The following PDZRN3 variants were observed in gnomAD, a reference collection of about 807,000 sequenced individuals.
The protein encoded by PDZRN3 is PDZ domain containing ring finger 3, also known as E3 ubiquitin-protein ligase PDZRN3.
PDZRN3 carries 38 observed loss-of-function variants against 85.7 expected under a neutral mutation model. That is an observed-to-expected ratio of 0.44 (90% CI 0.34 to 0.58). The LOEUF is 0.58. Ranked by LOEUF, PDZRN3 falls within the 20% of genes least tolerant of loss-of-function variation. The pLI, the probability that PDZRN3 is intolerant of heterozygous loss-of-function variation, is 0.01. For missense variants in PDZRN3, 1,629 were observed against 1,506.4 expected (o/e 1.08, Z -1.35); for synonymous variants, 759 against 638.0 (o/e 1.19, Z -2.86).
chr3:73,503,456 G>T (rs1046659668), intron 3 of PDZRN3, among the ~76,000 whole-genome samples: 7 of 152,072 alleles, frequency 4.6e-5, no homozygotes, highest in Middle Eastern at 3.4e-3. Context: ...TAAATACCAG[G>T]CTTCAAAAAA....
At chr3:73,583,077 G>A (rs1029284501) in intron 3 of PDZRN3, among the ~76,000 whole-genome samples, 2 of 152,176 alleles carry the variant, frequency 1.3e-5, no homozygotes, top group African/African-American at 4.8e-5. Flanking sequence ...TAATGTCACT[G>A]AGGACTTGCT....
At chr3:73,537,012 GTCC>G (rs1364401195) in intron 3 of PDZRN3, among the ~76,000 whole-genome samples, 3 of 152,114 alleles carry the variant, frequency 2.0e-5, no homozygotes, top group Admixed American at 2.0e-4. Context: ...TTCTGCCCTG[GTCC>G]TCAACAGGAA....
intron 3 of PDZRN3, among the ~76,000 whole-genome samples, chr3:73,479,716 C>T (rs2106902647): frequency 1.3e-5 from 2 of 152,312 alleles, no homozygotes; most frequent in South Asian, 4.1e-4. Flanking sequence ...TCCCATCTCC[C>T]CTGCCTGACC....
At chr3:73,595,431 A>G (rs962494213) in intron 3 of PDZRN3, among the ~76,000 whole-genome samples, 2 of 152,168 alleles carry the variant, frequency 1.3e-5, no homozygotes, top group Admixed American at 6.5e-5. Flanking sequence ...TCATGTGTTT[A>G]TTTCTAACAT....
intron 1 of PDZRN3, among the ~76,000 whole-genome samples, chr3:73,609,161 T>G (rs1307330584): frequency 6.6e-6 from 1 of 152,052 alleles, no homozygotes; most frequent in South Asian, 2.1e-4. Context: ...TTTGGGAGAC[T>G]TGGGGAAAAA....
chr3:73,504,004 T>C (rs1704027429), intron 3 of PDZRN3, among the ~76,000 whole-genome samples: 1 of 152,098 alleles, frequency 6.6e-6, no homozygotes, highest in Non-Finnish European at 1.5e-5. Flanking sequence ...GAGAATAGAG[T>C]TGAACACAGT....
chr3:73,600,319 ACACACACACACACACACACTCT>A, intron 3 of PDZRN3, among the ~76,000 whole-genome samples: 1 of 90,930 alleles, frequency 1.1e-5, no homozygotes, highest in African/African-American at 4.6e-5. Context: ...ACACACACAC[ACACACACACACACACACACTCT>A]CTCTCTCTCT....
chr3:73,538,964 G>A (rs1030372544), intron 3 of PDZRN3, among the ~76,000 whole-genome samples: 17 of 152,098 alleles, frequency 1.1e-4, no homozygotes, highest in Non-Finnish European at 1.3e-4. Context: ...CTGCTTTCTA[G>A]TAACAAAGCA....
Position 73,412,203 on chromosome 3 carries a change from G to C in PDZRN3, c.919-7808C>G, listed in dbSNP as rs1033042218. Among the ~76,000 whole-genome samples the C allele has an allele frequency of 7.9e-5, 12 of 152,212 alleles. 1 individual carries two copies. The highest frequency in any genetic ancestry group is 7.9e-4 in the Admixed American group (12 of 15,286). Reference sequence around the variant, plus strand: ...AAATTGAAGGAGGAAGGTGTGGTTAGGTTTTTGCAAGCGTCATGCCCGAAG... The same window carrying C: ...AAATTGAAGGAGGAAGGTGTGGTTACGTTTTTGCAAGCGTCATGCCCGAAG... On this transcript the variant is annotated intron_variant, in intron 3 of 9. Coordinates refer to ENST00000263666, the MANE Select transcript of PDZRN3 (RefSeq NM_015009.3).
At chr3:73,578,644 T>C (rs2106863267) in intron 3 of PDZRN3, among the ~76,000 whole-genome samples, 1 of 152,304 alleles carries the variant, frequency 6.6e-6, no homozygotes, top group East Asian at 1.9e-4. Flanking sequence ...ATTGATTTTA[T>C]GGGTAAAGTG....
intron 3 of PDZRN3, among the ~76,000 whole-genome samples, chr3:73,555,070 T>C (rs902678750): frequency 1.3e-5 from 2 of 152,196 alleles, no homozygotes; most frequent in Non-Finnish European, 2.9e-5. Context: ...AAATTAAACA[T>C]GTCCGTTTTT....
chr3:73,535,370 A>G (rs971451673), intron 3 of PDZRN3, among the ~76,000 whole-genome samples: 1 of 152,192 alleles, frequency 6.6e-6, no homozygotes, highest in Non-Finnish European at 1.5e-5. Context: ...AGATATGCAA[A>G]TAAGGACTTG....
At chr3:73,568,195 C>T (rs576482410) in intron 3 of PDZRN3, among the ~76,000 whole-genome samples, 19 of 152,262 alleles carry the variant, frequency 1.2e-4, no homozygotes, top group Non-Finnish European at 2.4e-4. Context: ...TCAGGGATCT[C>T]ATCTGTAAAA....
chr3:73,574,094 AT>A (rs1371307562), intron 3 of PDZRN3, among the ~76,000 whole-genome samples: 2 of 152,250 alleles, frequency 1.3e-5, no homozygotes, highest in African/African-American at 4.8e-5. Context: ...AATACCCTTT[AT>A]TCTAACATCA....
At chr3:73,391,162 G>T (rs759831436) in intron 5 of PDZRN3, 46 bp from the exon 6 acceptor site, 1 of 1,087,754 alleles carries the variant, frequency 9.2e-7, no homozygotes, top group South Asian at 1.3e-5. Context: ...CAGGCAATGC[G>T]AGTTGAGGGG....
At chr3:73,449,578 C>T (rs1177100240) in intron 3 of PDZRN3, among the ~76,000 whole-genome samples, 1 of 152,218 alleles carries the variant, frequency 6.6e-6, no homozygotes, top group African/African-American at 2.4e-5. Flanking sequence ...CTGGCAGCCA[C>T]ATTGTTAATC....
At chr3:73,480,906 G>A (rs1401639066) in intron 3 of PDZRN3, among the ~76,000 whole-genome samples, 1 of 152,152 alleles carries the variant, frequency 6.6e-6, no homozygotes, top group African/African-American at 2.4e-5. Flanking sequence ...AAGAGCACAA[G>A]CTGTTTCTAT....
At chr3:73,613,147 G>C (rs1165194122) in intron 1 of PDZRN3, among the ~76,000 whole-genome samples, 1 of 152,190 alleles carries the variant, frequency 6.6e-6, no homozygotes, top group East Asian at 1.9e-4. Context: ...TGGAAAAAGA[G>C]TGGCACATTT....
intron 3 of PDZRN3, among the ~76,000 whole-genome samples, chr3:73,538,765 A>G (rs561943012): frequency 6.6e-6 from 1 of 152,264 alleles, no homozygotes; most frequent in South Asian, 2.1e-4. Flanking sequence ...ATTTTATACA[A>G]TGATGTAGGT....
Sources: gnomAD v4.1 joint callset for allele counts (sites outside exome capture counted in the v4.1 genomes callset) on GRCh38, gnomAD v4.1.1 for gene constraint, MANE v1.5 for transcripts, NCBI Gene and HGNC (gene_info 2026-07-23, HGNC 2026-07-21) for gene names.